PPP3CB: variants seen among roughly 807,000 people sequenced by gnomAD.
The protein encoded by PPP3CB is protein phosphatase 3 catalytic subunit beta.
PPP3CB carries 8 observed loss-of-function variants against 66.4 expected under a neutral mutation model. The observed-to-expected ratio is 0.12, with a 90% CI of 0.07 to 0.22. The LOEUF is 0.22. Among genes scored for constraint, PPP3CB ranks in the 10% least tolerant of loss-of-function variants. The pLI, the probability that PPP3CB is intolerant of heterozygous loss-of-function variation, is 1.00. For synonymous variants in PPP3CB, 208 were observed against 221.2 expected (o/e 0.94, Z 0.53); for missense variants, 319 against 642.5 (o/e 0.50, Z 5.44).
At position 73,478,393 on chromosome 10, in the gene PPP3CB, G is replaced by C. The variant is rs1223478195; in HGVS notation, c.411+106C>G. 7.3e-6 allele frequency: 7 copies of C among 957,446 alleles called. No individual in the cohort carries two copies. In the Admixed American group the frequency reaches 1.5e-4, roughly 21 times the overall value. The allele number at this position is 957,446 out of a possible 1,614,324, so 59.3% of individuals were successfully genotyped here. The stretch of plus-strand genomic sequence containing the variant: ...TTTCATAAAAACTTCAGAATATGCA[G>C]AGTTATTAAAAAAACCTAACACAGG... On this transcript the variant is annotated intron_variant, in intron 3 of 13. Transcript: ENST00000360663.
chr10:73,479,304 T>G lies in PPP3CB; in HGVS notation c.286+13A>C, dbSNP rs779611028. On this transcript the variant is annotated intron_variant, in intron 2 of 13. Transcript: ENST00000360663. ...CATAATAAAAATAATACCCAAAACA[T>G]GAATAAGCTTACCTGTGATTGGAGC... The G allele has an allele frequency of 9.3e-6, 15 of 1,609,388 alleles. No homozygotes were observed. Among genetic ancestry groups the G allele is most frequent in the African/African-American group, 1.3e-5 (1 of 74,786 alleles).
intron 1 of PPP3CB, among the ~76,000 whole-genome samples, chr10:73,490,864 C>T (rs1400378433): frequency 2.6e-5 from 4 of 151,802 alleles, no homozygotes; most frequent in South Asian, 4.1e-4. Context: ...GACGGAATAT[C>T]GCTCTGTCAC....
At chr10:73,453,376 CCAAA>C (rs780819272) in intron 10 of PPP3CB, among the ~76,000 whole-genome samples, 1 of 152,014 alleles carries the variant, frequency 6.6e-6, no homozygotes. Context: ...AACCCAGTTG[CCAAA>C]CAATGAGATT....
At chr10:73,474,331 G>A (rs1042756708) in intron 4 of PPP3CB, among the ~76,000 whole-genome samples, 12 of 150,406 alleles carry the variant, frequency 8.0e-5, no homozygotes, top group South Asian at 4.2e-4. Context: ...GTGAGCTACC[G>A]TGCCTGGCTT....
chr10:73,494,364 T>C (rs867457937), intron 1 of PPP3CB, among the ~76,000 whole-genome samples: 1 of 152,150 alleles, frequency 6.6e-6, no homozygotes, highest in Admixed American at 6.5e-5. Context: ...CTCGGCTCAC[T>C]GCAACTTCTG....
At chr10:73,458,073 G>A (rs112361154) in intron 9 of PPP3CB, among the ~76,000 whole-genome samples, 7,101 of 152,198 alleles carry the variant, frequency 0.047, 510 homozygotes, top group African/African-American at 0.15. Context: ...TCACCACTAT[G>A]CAATATATCT....
At position 73,452,841 on chromosome 10, in the gene PPP3CB, T is replaced by C. The variant is rs553459257; in HGVS notation, c.1186+1571A>G. Reference sequence around the variant, plus strand: ...GTAAGAATAAAAGCACATCTCTGCCTACCACTAACAGATGGCAATGGTAGC... The same window carrying C: ...GTAAGAATAAAAGCACATCTCTGCCCACCACTAACAGATGGCAATGGTAGC... On this transcript the variant is annotated intron_variant, in intron 10 of 13. Coordinates refer to ENST00000360663, the MANE Select transcript of PPP3CB (RefSeq NM_021132.4). Among the ~76,000 whole-genome samples, 24 of 152,348 alleles carry C rather than the reference T, an allele frequency of 1.6e-4. No individual in the cohort carries two copies. In the South Asian group the frequency reaches 5.0e-3, roughly 32 times the overall value.
chr10:73,452,363 A>G (rs777098217), intron 10 of PPP3CB, among the ~76,000 whole-genome samples: 6 of 152,146 alleles, frequency 3.9e-5, no homozygotes, highest in Non-Finnish European at 8.8e-5. Flanking sequence ...CTATTCTTAA[A>G]ACAGTGACAG....
intron 3 of PPP3CB, among the ~76,000 whole-genome samples, chr10:73,477,497 T>C (rs1369673315): frequency 6.6e-6 from 1 of 152,210 alleles, no homozygotes; most frequent in African/African-American, 2.4e-5. Context: ...ATATTTGGTG[T>C]AGGCATGTAT....
intron 13 of PPP3CB, among the ~76,000 whole-genome samples, chr10:73,439,134 T>C (rs1045981119): frequency 6.6e-6 from 1 of 152,212 alleles, no homozygotes; most frequent in Admixed American, 6.5e-5. Flanking sequence ...AATTGTATGG[T>C]TTCTCATTCA....
intron 1 of PPP3CB, among the ~76,000 whole-genome samples, chr10:73,494,668 A>G (rs890191636): frequency 6.6e-6 from 1 of 152,060 alleles, no homozygotes; most frequent in Non-Finnish European, 1.5e-5. Context: ...AAAAAGAAAA[A>G]AGGTTTCCTT....
At chr10:73,451,263 A>G (rs1249835120) in intron 10 of PPP3CB, among the ~76,000 whole-genome samples, 1 of 151,996 alleles carries the variant, frequency 6.6e-6, no homozygotes, top group Non-Finnish European at 1.5e-5. Context: ...TATAAATGAC[A>G]TATTTTTAAA....
intron 9 of PPP3CB, among the ~76,000 whole-genome samples, chr10:73,455,073 T>TG (rs1233413797): frequency 3.3e-5 from 5 of 151,820 alleles, no homozygotes; most frequent in Admixed American, 2.0e-4. Flanking sequence ...TTAGTAGAGA[T>TG]GGGGTTTCAC....
chr10:73,444,898 T>C (rs1340785959), intron 11 of PPP3CB, 76 bp from the exon 12 acceptor site: 3 of 1,354,534 alleles, frequency 2.2e-6, no homozygotes, highest in Non-Finnish European at 3.0e-6. Context: ...AGGGTCTAGA[T>C]ATAGGCCATA....
chr10:73,478,659 T>C (rs1007581749), intron 2 of PPP3CB, 36 bp from the exon 3 acceptor site: 4 of 1,582,808 alleles, frequency 2.5e-6, no homozygotes, highest in Non-Finnish European at 2.6e-6. Flanking sequence ...GGGAAAAAAA[T>C]CTCTAAAACA....
At chr10:73,487,031 A>G (rs1236574405) in intron 1 of PPP3CB, among the ~76,000 whole-genome samples, 2 of 152,102 alleles carry the variant, frequency 1.3e-5, no homozygotes, top group Admixed American at 1.3e-4. Context: ...TTAGCTGGGC[A>G]TGGTGTCGGG....
At chr10:73,478,448 C>T in intron 3 of PPP3CB, 51 bp downstream of exon 3, 1 of 1,504,896 alleles carries the variant, frequency 6.6e-7, no homozygotes, top group Non-Finnish European at 9.1e-7. Flanking sequence ...TAAGTGAAAG[C>T]ATCTGTGTTA....
chr10:73,454,820 T>A (rs1052621540), intron 9 of PPP3CB, among the ~76,000 whole-genome samples: 1 of 149,792 alleles, frequency 6.7e-6, no homozygotes, highest in Non-Finnish European at 1.5e-5. Flanking sequence ...TATAGCATAA[T>A]AAGAAAAAAA....
At chr10:73,479,296 C>T in intron 2 of PPP3CB, 21 bp downstream of exon 2, 1 of 1,603,664 alleles carries the variant, frequency 6.2e-7, no homozygotes. Flanking sequence ...AAAATAATAC[C>T]CAAAACATGA....
Sources: allele counts gnomAD v4.1 joint callset (sites outside exome capture counted in the v4.1 genomes callset), GRCh38; gene constraint gnomAD v4.1.1; transcripts MANE v1.5; gene names NCBI Gene and HGNC (gene_info 2026-07-23, HGNC 2026-07-21).